Variants in CTDSPL2 observed in about 807,000 individuals in gnomAD.
CTDSPL2 encodes the protein CTD small phosphatase-like protein 2.
Under a neutral mutation model 60.0 loss-of-function variants are expected in CTDSPL2, and 5 were observed. The ratio of observed to expected loss-of-function variants is 0.08; its 90% confidence interval spans 0.04 to 0.18. CTDSPL2 has a LOEUF of 0.18. Ranked by LOEUF, CTDSPL2 falls within the 10% of genes least tolerant of loss-of-function variation. The pLI, the probability that CTDSPL2 is intolerant of heterozygous loss-of-function variation, is 1.00. For missense variants in CTDSPL2, 370 were observed against 548.8 expected, an observed-to-expected ratio of 0.67 and a Z score of 3.26; for synonymous variants, 186 against 189.3, an observed-to-expected ratio of 0.98 and a Z score of 0.14.
chr15:44,445,937 T>C (rs1327710863), intron 1 of CTDSPL2, among the ~76,000 whole-genome samples: 1 of 133,908 alleles, frequency 7.5e-6, no homozygotes, highest in Non-Finnish European at 1.7e-5. Context: ...GTGCCTGGCC[T>C]TTTTTTTTTT....
intron 12 of CTDSPL2, among the ~76,000 whole-genome samples, chr15:44,523,619 C>T (rs554675687): frequency 3.3e-5 from 5 of 152,126 alleles, no homozygotes; most frequent in East Asian, 1.9e-4. Context: ...TTCATTCATT[C>T]GTTCATTTAT....
intron 2 of CTDSPL2, among the ~76,000 whole-genome samples, chr15:44,468,035 T>A (rs1408418648): frequency 6.6e-6 from 1 of 152,180 alleles, no homozygotes; most frequent in African/African-American, 2.4e-5. Context: ...GTTTTTAAAT[T>A]TTGGGATTAA....
intron 1 of CTDSPL2, among the ~76,000 whole-genome samples, chr15:44,455,839 ATTTTTTT>A (rs35307134): frequency 2.3e-4 from 11 of 47,510 alleles, no homozygotes; most frequent in Admixed American, 3.6e-4. Context: ...TTTATTGAGG[ATTTTTTT>A]TTTTTTTTTT....
chr15:44,439,710 T>G (rs367684261), intron 1 of CTDSPL2, among the ~76,000 whole-genome samples: 3 of 152,278 alleles, frequency 2.0e-5, no homozygotes, highest in South Asian at 4.1e-4. Flanking sequence ...TGAAAGGGTA[T>G]GGTAAATCCT....
At chr15:44,473,988 C>T (rs1410020188) in intron 2 of CTDSPL2, among the ~76,000 whole-genome samples, 2 of 152,050 alleles carry the variant, frequency 1.3e-5, no homozygotes, top group African/African-American at 2.4e-5. Context: ...ATCACCACAC[C>T]GGGCTAATTT....
intron 10 of CTDSPL2, among the ~76,000 whole-genome samples, chr15:44,518,372 T>G (rs1283920597): frequency 6.6e-6 from 1 of 152,188 alleles, no homozygotes; most frequent in Non-Finnish European, 1.5e-5. Context: ...TGTAAAACCT[T>G]TAATAGCTTT....
chr15:44,466,228 C>T (rs564732127), intron 2 of CTDSPL2, among the ~76,000 whole-genome samples: 27 of 152,254 alleles, frequency 1.8e-4, no homozygotes, highest in East Asian at 3.9e-4. Flanking sequence ...TGAGCCACCG[C>T]GCCTGGCCAG....
intron 8 of CTDSPL2, among the ~76,000 whole-genome samples, chr15:44,509,899 C>T (rs1430488890): frequency 2.6e-5 from 4 of 151,904 alleles, no homozygotes; most frequent in East Asian, 1.9e-4. Flanking sequence ...GCACTCCAGC[C>T]TGGGCAACAG....
At chr15:44,430,534 A>G (rs2079836150) in intron 1 of CTDSPL2, among the ~76,000 whole-genome samples, 1 of 152,110 alleles carries the variant, frequency 6.6e-6, no homozygotes, top group African/African-American at 2.4e-5. Flanking sequence ...GGTATTTGCC[A>G]CCAAGCCGAG....
At position 44,527,159 on chromosome 15, in the gene CTDSPL2, A is replaced by C. The variant is rs2081888519; in HGVS notation, c.*2985A>C. ...ACCCAATGGCTTTATCTGTTTCCCA[A>C]AATTTGTTTGGGATTTGTTGAAAGC... On this transcript the variant is annotated 3_prime_UTR_variant, in exon 13 of 13. Coordinates refer to ENST00000260327, the MANE Select transcript of CTDSPL2 (RefSeq NM_016396.3). The C allele has an allele frequency of 6.6e-6, 1 of 152,518 alleles. No individual in the cohort carries two copies. The highest frequency in any genetic ancestry group is 6.6e-5 in the Admixed American group (1 of 15,262). The allele number at this position is 152,518 out of a possible 1,614,324, so 9.4% of individuals were successfully genotyped here.
At position 44,445,762 on chromosome 15, in the gene CTDSPL2, C is replaced by T. The variant is rs534990003; in HGVS notation, c.-24-13229C>T. Among the ~76,000 whole-genome samples the T allele has an allele frequency of 1.2e-3, 186 of 151,778 alleles. 1 individual carries two copies. Among genetic ancestry groups the T allele is most frequent in the African/African-American group, 3.6e-3 (149 of 41,398 alleles). On this transcript the variant is annotated intron_variant, in intron 1 of 12. Transcript: ENST00000260327. ...AAGCTGTTCTCCTGCCTCAGCCTCC[C>T]GAGTAGCTGGGATTACAGGCGCCCA...
At chr15:44,501,005 G>A (rs1018640377) in intron 8 of CTDSPL2, among the ~76,000 whole-genome samples, 7 of 152,078 alleles carry the variant, frequency 4.6e-5, no homozygotes, top group African/African-American at 1.7e-4. Flanking sequence ...CAAAACTGAT[G>A]ATTATTTGGT....
At chr15:44,506,792 A>T (rs1014618831) in intron 8 of CTDSPL2, among the ~76,000 whole-genome samples, 7 of 151,270 alleles carry the variant, frequency 4.6e-5, no homozygotes, top group African/African-American at 1.5e-4. Flanking sequence ...TTTGAGACAG[A>T]GTCTCGCTCT....
In CTDSPL2 at chr15:44,513,348, T is replaced by TA. The variant is rs1407971493; in HGVS notation, c.970-1250_970-1249insA. ...CGGTCGTGGTGATGAGCACCTGTAA[T>TA]CCCAGCTACTCCGGAGGCTGAGGCA... On this transcript the variant is annotated intron_variant, in intron 8 of 12. Coordinates refer to ENST00000260327, the MANE Select transcript of CTDSPL2 (RefSeq NM_016396.3). 3.3e-5 allele frequency among the ~76,000 whole-genome samples: 5 copies of TA among 151,890 alleles called. No homozygotes were observed. The East Asian group carries it at 9.7e-4, about 30-fold the overall frequency.
intron 3 of CTDSPL2, 83 bp downstream of exon 3, chr15:44,484,445 T>C: frequency 7.4e-7 from 1 of 1,353,280 alleles, no homozygotes; most frequent in South Asian, 1.3e-5. Context: ...TTTAAAACTC[T>C]ACTTTGAGGC....
chr15:44,444,884 G>C (rs1252736068), intron 1 of CTDSPL2, among the ~76,000 whole-genome samples: 1 of 106,330 alleles, frequency 9.4e-6, no homozygotes, highest in African/African-American at 3.7e-5. Context: ...GTCTCCCTCT[G>C]TTGCCCAGGC....
intron 8 of CTDSPL2, among the ~76,000 whole-genome samples, chr15:44,505,420 A>G (rs1422335266): frequency 1.3e-5 from 2 of 149,010 alleles, no homozygotes; most frequent in Non-Finnish European, 2.9e-5. Flanking sequence ...GCCAGTCTCA[A>G]AAAGAAAAAA....
chr15:44,490,624 T>A (rs946382606), intron 4 of CTDSPL2, among the ~76,000 whole-genome samples, 160 bp from the exon 5 acceptor site: 1 of 152,202 alleles, frequency 6.6e-6, no homozygotes, highest in African/African-American at 2.4e-5. Flanking sequence ...TTCTTCATTG[T>A]TTGAAATAGC....
At position 44,441,901 on chromosome 15, in the gene CTDSPL2, C is replaced by T. The variant is rs117037894; in HGVS notation, c.-25+14129C>T. On this transcript the variant is annotated intron_variant, in intron 1 of 12. Coordinates refer to ENST00000260327, the MANE Select transcript of CTDSPL2 (RefSeq NM_016396.3). ...TCTGGGGCTGTAGCTTGTAATTCCC[C>T]GACTTCTTTGCCCTCAGGTTGCCTT... Among the ~76,000 whole-genome samples the T allele has an allele frequency of 4.8e-3, 727 of 152,192 alleles. 6 individuals carry two copies. The highest frequency in any genetic ancestry group is 0.01 in the Middle Eastern group (3 of 294).
Sources: gnomAD v4.1 joint callset for allele counts (sites outside exome capture counted in the v4.1 genomes callset) on GRCh38, gnomAD v4.1.1 for gene constraint, MANE v1.5 for transcripts, NCBI Gene and HGNC (gene_info 2026-07-23, HGNC 2026-07-21) for gene names.